Variants in DKC1 observed in about 807,000 individuals in gnomAD.
DKC1 encodes the protein H/ACA ribonucleoprotein complex subunit DKC1.
Under a neutral mutation model 46.7 loss-of-function variants are expected in DKC1, and 4 were observed. The observed-to-expected ratio is 0.09, with a 90% CI of 0.04 to 0.20. The LOEUF is 0.20. Ranked by LOEUF, DKC1 falls within the 10% of genes least tolerant of loss-of-function variation. The pLI is 1.00. For missense variants in DKC1, 171 were observed against 404.2 expected, an observed-to-expected ratio of 0.42 and a Z score of 4.95; for synonymous variants, 141 against 142.4, an observed-to-expected ratio of 0.99 and a Z score of 0.07.
intron 12 of DKC1, 118 bp from the exon 13 acceptor site, chrX:154,775,077 T>C: frequency 1.4e-6 from 1 of 713,029 alleles, no homozygotes; most frequent in Non-Finnish European, 2.3e-6. Context: ...GGTGAGTTCT[T>C]CTGTCCAGCG....
chrX:154,772,825 G>T (rs1257860181), intron 10 of DKC1, among the ~76,000 whole-genome samples: 1 of 112,110 alleles, frequency 8.9e-6, no homozygotes, highest in Non-Finnish European at 1.9e-5. Flanking sequence ...CAAAGGTTCT[G>T]TGGCCCCAAA....
At chrX:154,771,247 G>A (rs2071823120) in intron 10 of DKC1, among the ~76,000 whole-genome samples, 1 of 93,664 alleles carries the variant, frequency 1.1e-5, no homozygotes, top group African/African-American at 4.0e-5. Context: ...CTGCAGTGCA[G>A]AGACGTGACC....
At position 154,769,310 on chromosome X, in the gene DKC1, A is replaced by G; in HGVS notation, c.915A>G (p.Ala305=). The part of the protein sequence containing the change: ...SHKRLVMKDS[A]VNAICYGAKI... The stretch of plus-strand genomic sequence containing the variant: ...AACGGCTGGTTATGAAAGACAGTGC[A>G]GTAAGTTCCGGGTTAGGAGTTTATA... The change falls in exon 9 of 15, where the codon GCA becomes GCG. Residue 305 remains alanine, a splice_region_variant and synonymous_variant. Coordinates refer to ENST00000369550, the MANE Select transcript of DKC1 (RefSeq NM_001363.5). 1.2e-5 allele frequency: 15 copies of G among 1,211,382 alleles called. No individual in the cohort carries two copies. The highest frequency in any genetic ancestry group is 1.7e-5 in the Non-Finnish European group (15 of 894,948).
chrX:154,774,532 T>C (rs2071869950), intron 11 of DKC1, 70 bp from the exon 12 acceptor site: 2 of 952,303 alleles, frequency 2.1e-6, no homozygotes, highest in Non-Finnish European at 3.0e-6. Context: ...CTTGTTCTAT[T>C]CTTTGTAGTC....
chrX:154,763,107 C>CCCGGCCTTAAG (rs1557263757), intron 1 of DKC1, 126 bp downstream of exon 1: 3 of 873,661 alleles, frequency 3.4e-6, no homozygotes, highest in East Asian at 6.9e-5. Flanking sequence ...CTCTTCACCG[C>CCCGGCCTTAAG]CCGGCCTTAA....
intron 8 of DKC1, chrX:154,768,883 A>T (rs971089282): frequency 2.3e-4 from 67 of 289,460 alleles, no homozygotes; most frequent in Non-Finnish European, 2.4e-4. Context: ...GCTACTCGGG[A>T]GGCTGAGGCA....
intron 1 of DKC1, among the ~76,000 whole-genome samples, 177 bp downstream of exon 1, chrX:154,763,158 C>A (rs951400575): frequency 3.6e-5 from 4 of 112,126 alleles, no homozygotes; most frequent in Non-Finnish European, 7.5e-5. Context: ...GGCAAGGGCG[C>A]GAGAGTGGGA....
At chrX:154,772,549 A>G (rs2071837583) in intron 10 of DKC1, among the ~76,000 whole-genome samples, 1 of 112,618 alleles carries the variant, frequency 8.9e-6, no homozygotes. Context: ...CTTTTTGCTT[A>G]GGATAGCTTT....
intron 2 of DKC1, chrX:154,765,208 C>T: frequency 4.2e-6 from 2 of 473,254 alleles, no homozygotes. Flanking sequence ...TTCCTTATGC[C>T]ACCCACAGAC....
At chrX:154,771,023 G>T in intron 10 of DKC1, 144 bp downstream of exon 10, 1 of 576,731 alleles carries the variant, frequency 1.7e-6, no homozygotes, top group Non-Finnish European at 2.8e-6. Flanking sequence ...TCCATCTTAA[G>T]CATTTATCCT....
intron 7 of DKC1, chrX:154,767,944 G>A (rs1279622880): frequency 1.3e-5 from 3 of 229,533 alleles, no homozygotes; most frequent in South Asian, 9.5e-5. Context: ...TCTGTCTCCC[G>A]GGTTCACACC....
intron 1 of DKC1, 138 bp downstream of exon 1, chrX:154,763,119 C>A: frequency 1.3e-6 from 1 of 786,494 alleles, no homozygotes; most frequent in Non-Finnish European, 1.9e-6. Flanking sequence ...CGGCCTTAAG[C>A]CGGCCTTGTC....
chrX:154,763,405 C>T (rs1278384959), intron 1 of DKC1, among the ~76,000 whole-genome samples: 1 of 112,253 alleles, frequency 8.9e-6, no homozygotes, highest in Non-Finnish European at 1.9e-5. Flanking sequence ...AGGGATAGAG[C>T]TCCGAGTTGC....
intron 10 of DKC1, among the ~76,000 whole-genome samples, chrX:154,772,298 T>C (rs1318839804): frequency 1.6e-4 from 18 of 112,336 alleles, no homozygotes; most frequent in African/African-American, 5.8e-4. Flanking sequence ...CCCATTCTTA[T>C]GCATATGGAT....
intron 10 of DKC1, 104 bp downstream of exon 10, chrX:154,770,983 C>A: frequency 1.2e-6 from 1 of 801,381 alleles, no homozygotes; most frequent in Non-Finnish European, 1.9e-6. Context: ...GCATGCAATA[C>A]ATAATAATCA....
At chrX:154,765,590 A>G (rs1015553644) in intron 3 of DKC1, 60 bp downstream of exon 3, 22 of 911,937 alleles carry the variant, frequency 2.4e-5, no homozygotes, top group Non-Finnish European at 3.2e-5. Flanking sequence ...TCCAAGTGTT[A>G]AACAATTGAT....
chrX:154,766,444 T>G (rs782734439), intron 5 of DKC1, 44 bp downstream of exon 5: 1 of 1,092,880 alleles, frequency 9.2e-7, no homozygotes, highest in African/African-American at 1.8e-5. Context: ...GTGAAAAGCT[T>G]TCTGTATTTC....
chrX:154,776,928 C>G lies in DKC1; in HGVS notation c.*61C>G. ...CTTATTGAGAAAACATGTTATAGATCCTTTTGTTGCTGAGAGAGTGGAACA... is the reference window on the plus strand; with the variant it reads ...CTTATTGAGAAAACATGTTATAGATGCTTTTGTTGCTGAGAGAGTGGAACA... On this transcript the variant is annotated 3_prime_UTR_variant, in exon 15 of 15. Transcript: ENST00000369550. 4.1e-6 allele frequency: 4 copies of G among 980,088 alleles called. No homozygotes were observed. The highest frequency in any genetic ancestry group is 4.3e-6 in the Non-Finnish European group (3 of 705,658). The allele number at this position is 980,088 out of a possible 1,213,427, so 80.8% of individuals were successfully genotyped here.
At chrX:154,768,250 A>C in intron 7 of DKC1, 52 bp from the exon 8 acceptor site, 2 of 1,201,014 alleles carry the variant, frequency 1.7e-6, no homozygotes, top group Non-Finnish European at 2.3e-6. Flanking sequence ...TTTCTCAACC[A>C]GTGATGTATT....
Sources: gnomAD v4.1 joint callset for allele counts (sites outside exome capture counted in the v4.1 genomes callset) on GRCh38, gnomAD v4.1.1 for gene constraint, MANE v1.5 for transcripts, NCBI Gene and HGNC (gene_info 2026-07-23, HGNC 2026-07-21) for gene names.